TMEM132D: variants seen among roughly 807,000 people sequenced by gnomAD.
TMEM132D encodes the protein mature OL transmembrane protein.
TMEM132D carries 21 observed loss-of-function variants against 62.3 expected under a neutral mutation model. The observed-to-expected ratio is 0.34, with a 90% CI of 0.24 to 0.49. The LOEUF is 0.49. Among genes scored for constraint, TMEM132D ranks in the 20% least tolerant of loss-of-function variants. TMEM132D has a pLI of 0.99. For missense variants in TMEM132D, 1,346 were observed against 1,402.8 expected (o/e 0.96, Z 0.65); for synonymous variants, 621 against 575.6 (o/e 1.08, Z -1.13).
At chr12:129,672,363 G>A (rs1880520441) in intron 2 of TMEM132D, among the ~76,000 whole-genome samples, 1 of 152,198 alleles carries the variant, frequency 6.6e-6, no homozygotes, top group South Asian at 2.1e-4. Flanking sequence ...AGCCCCAAAG[G>A]GAGCCCAGCT....
At chr12:129,301,763 C>T (rs970092254) in intron 4 of TMEM132D, among the ~76,000 whole-genome samples, 11 of 152,132 alleles carry the variant, frequency 7.2e-5, no homozygotes, top group East Asian at 1.9e-4. Flanking sequence ...TCTCCACTTA[C>T]AAATGAGGAA....
chr12:129,171,334 C>G (rs1183273777), intron 5 of TMEM132D, among the ~76,000 whole-genome samples: 1 of 152,154 alleles, frequency 6.6e-6, no homozygotes, highest in Non-Finnish European at 1.5e-5. Context: ...CTGTTTCCCC[C>G]ACACCTGCAC....
intron 3 of TMEM132D, among the ~76,000 whole-genome samples, chr12:129,342,964 T>C (rs1221342678): frequency 1.3e-5 from 2 of 152,164 alleles, no homozygotes; most frequent in African/African-American, 4.8e-5. Flanking sequence ...AGGAACACTT[T>C]TACACTGTTG....
chr12:129,418,495 G>A (rs1872196095), intron 3 of TMEM132D, among the ~76,000 whole-genome samples: 1 of 152,098 alleles, frequency 6.6e-6, no homozygotes, highest in African/African-American at 2.4e-5. Flanking sequence ...TCACTCATAA[G>A]CGGGAGTTGA....
chr12:129,894,412 G>A (rs931154129), intron 1 of TMEM132D, among the ~76,000 whole-genome samples: 2 of 152,150 alleles, frequency 1.3e-5, no homozygotes, highest in East Asian at 1.9e-4. Context: ...GGATATCAAG[G>A]CCTATCCACC....
intron 3 of TMEM132D, among the ~76,000 whole-genome samples, chr12:129,488,557 C>T (rs994011591): frequency 9.9e-5 from 15 of 152,070 alleles, no homozygotes; most frequent in African/African-American, 2.7e-4. Context: ...GCCTGTAATC[C>T]TGGCTACTTG....
intron 2 of TMEM132D, among the ~76,000 whole-genome samples, chr12:129,615,456 A>G (rs1812723096): frequency 6.6e-6 from 1 of 151,740 alleles, no homozygotes; most frequent in Non-Finnish European, 1.5e-5. Flanking sequence ...TAAAAAAAAA[A>G]GTACGGCCGT....
intron 2 of TMEM132D, among the ~76,000 whole-genome samples, chr12:129,623,348 T>A (rs1879122880): frequency 6.6e-6 from 1 of 152,150 alleles, no homozygotes; most frequent in Non-Finnish European, 1.5e-5. Context: ...AATTATATAG[T>A]GGTGAAGGCT....
intron 4 of TMEM132D, among the ~76,000 whole-genome samples, chr12:129,238,011 T>C (rs1457050222): frequency 6.6e-6 from 1 of 152,046 alleles, no homozygotes; most frequent in East Asian, 1.9e-4. Context: ...AGATGATGGG[T>C]TTTGCCTCTC....
intron 3 of TMEM132D, among the ~76,000 whole-genome samples, chr12:129,374,146 G>A (rs10773641): frequency 0.66 from 100,861 of 151,946 alleles, 33,956 homozygotes; most frequent in Non-Finnish European, 0.72. Flanking sequence ...TATAAACAAC[G>A]GACATTTATT....
intron 1 of TMEM132D, among the ~76,000 whole-genome samples, chr12:129,720,265 T>C (rs1036682656): frequency 2.6e-5 from 4 of 152,168 alleles, no homozygotes; most frequent in African/African-American, 4.8e-5. Context: ...AATGTGTTAT[T>C]CTTATACACT....
intron 2 of TMEM132D, among the ~76,000 whole-genome samples, chr12:129,606,513 G>A (rs1878629411): frequency 1.3e-5 from 2 of 152,212 alleles, no homozygotes; most frequent in South Asian, 2.1e-4. Context: ...ACGTAGCAAC[G>A]ATAAGGCTCT....
At chr12:129,894,745 T>TC (rs1477737687) in intron 1 of TMEM132D, among the ~76,000 whole-genome samples, 2 of 151,174 alleles carry the variant, frequency 1.3e-5, no homozygotes, top group Non-Finnish European at 2.9e-5. Flanking sequence ...TTGTAGTTTC[T>TC]CTTTTTTTTT....
At chr12:129,340,228 G>T (rs918060388) in intron 3 of TMEM132D, among the ~76,000 whole-genome samples, 1 of 152,074 alleles carries the variant, frequency 6.6e-6, no homozygotes, top group African/African-American at 2.4e-5. Context: ...CAGCCAAGAT[G>T]TAAAAGCAAC....
rs1422267673 is a variant in TMEM132D at position 129,793,321 on chromosome 12, TC to T, written c.80-92624del. Among the ~76,000 whole-genome samples, 5 of 152,108 alleles carry T rather than the reference TC, an allele frequency of 3.3e-5. No individual in the cohort carries two copies. In the East Asian group the frequency reaches 9.7e-4, roughly 29 times the overall value. On this transcript the variant is annotated intron_variant, in intron 1 of 8. Coordinates refer to ENST00000422113, the MANE Select transcript of TMEM132D (RefSeq NM_133448.3). ...TTAGCATATCTTCTTGAGTTTTTTTTCCCCATGAGATAAATTCTCCAGCTGG... is the reference window on the plus strand; with the variant it reads ...TTAGCATATCTTCTTGAGTTTTTTTTCCCATGAGATAAATTCTCCAGCTGG...
At chr12:129,299,655 A>G in intron 4 of TMEM132D, among the ~76,000 whole-genome samples, 1 of 145,006 alleles carries the variant, frequency 6.9e-6, no homozygotes. Context: ...TAGCTCTTGG[A>G]ACATGTAGAG....
chr12:129,558,872 T>A (rs2137111584), intron 2 of TMEM132D, among the ~76,000 whole-genome samples: 1 of 152,320 alleles, frequency 6.6e-6, no homozygotes, highest in African/African-American at 2.4e-5. Context: ...TGGAGTGTAC[T>A]TTGTCATAGT....
rs147207153 is a variant in TMEM132D at position 129,296,135 on chromosome 12, C to T, written c.1299+41499G>A. On this transcript the variant is annotated intron_variant, in intron 4 of 8. Transcript: ENST00000422113. ...ATTAACATGCACATACACACATACA[C>T]ACATCCTGTTGGTTCTGTTTTTCTG... is the stretch of plus-strand genomic sequence containing the variant. 2.0e-3 allele frequency among the ~76,000 whole-genome samples: 307 copies of T among 152,190 alleles called. 2 individuals are homozygous for T. Among genetic ancestry groups the T allele is most frequent in the African/African-American group, 6.7e-3 (279 of 41,528 alleles).
At chr12:129,433,418 T>C (rs548050994) in intron 3 of TMEM132D, among the ~76,000 whole-genome samples, 1 of 152,320 alleles carries the variant, frequency 6.6e-6, no homozygotes, top group East Asian at 1.9e-4. Flanking sequence ...AATTAATTGG[T>C]AATATTTGAT....
Sources: gnomAD v4.1 joint callset for allele counts (sites outside exome capture counted in the v4.1 genomes callset) on GRCh38, gnomAD v4.1.1 for gene constraint, MANE v1.5 for transcripts, NCBI Gene and HGNC (gene_info 2026-07-23, HGNC 2026-07-21) for gene names.